ATP10D: variants seen among roughly 807,000 people sequenced by gnomAD.
ATP10D encodes the protein phospholipid-transporting ATPase VD.
In ATP10D, 89 loss-of-function variants were observed where a neutral mutation model predicts 144.8. The observed-to-expected ratio is 0.61, with a 90% confidence interval of 0.52 to 0.73. ATP10D has a LOEUF of 0.73. Among genes scored for constraint, ATP10D ranks in the 30% least tolerant of loss-of-function variants. ATP10D has a pLI of 0.00. For synonymous variants in ATP10D, 571 were observed against 615.1 expected, an observed-to-expected ratio of 0.93 and a Z score of 1.06; for missense variants, 1,603 against 1,714.8, an observed-to-expected ratio of 0.93 and a Z score of 1.15.
At chr4:47,490,961 T>G (rs1715039836) in intron 1 of ATP10D, 1 of 568,498 alleles carries the variant, frequency 1.8e-6, no homozygotes, top group African/African-American at 1.9e-5. Context: ...GTCTTTTATT[T>G]TATTTATTTT....
At chr4:47,533,801 T>G (rs889186078) in intron 5 of ATP10D, among the ~76,000 whole-genome samples, 1 of 152,142 alleles carries the variant, frequency 6.6e-6, no homozygotes, top group Non-Finnish European at 1.5e-5. Context: ...GCCTGAGCTA[T>G]TTCAGTTTTT....
At chr4:47,523,340 A>G in intron 4 of ATP10D, 124 bp downstream of exon 4, 1 of 807,354 alleles carries the variant, frequency 1.2e-6, no homozygotes, top group Admixed American at 2.5e-5. Flanking sequence ...ATAGAATCCC[A>G]GAAGGTTTCA....
intron 1 of ATP10D, among the ~76,000 whole-genome samples, chr4:47,506,672 T>G (rs1020810268): frequency 6.6e-6 from 1 of 152,208 alleles, no homozygotes; most frequent in African/African-American, 2.4e-5. Context: ...TAGTAGAGTA[T>G]CTAGATCTAA....
chr4:47,529,893 G>A (rs1350497438), intron 5 of ATP10D, among the ~76,000 whole-genome samples: 2 of 151,640 alleles, frequency 1.3e-5, no homozygotes, highest in Non-Finnish European at 2.9e-5. Flanking sequence ...ATTTTATTTT[G>A]TGTGTGTGTG....
chr4:47,562,921 A>G (rs758984120), intron 14 of ATP10D, among the ~76,000 whole-genome samples: 1 of 152,180 alleles, frequency 6.6e-6, no homozygotes, highest in Non-Finnish European at 1.5e-5. Flanking sequence ...TTTTGCAGCA[A>G]CATGGATGAA....
chr4:47,552,218 G>A (rs1457852511), intron 10 of ATP10D, among the ~76,000 whole-genome samples: 1 of 152,112 alleles, frequency 6.6e-6, no homozygotes, highest in East Asian at 1.9e-4. Context: ...CTGTTCTCGT[G>A]GCCACAGCAC....
rs1401463111 is a variant in ATP10D at position 47,485,447 on chromosome 4, T to C, written c.-110T>C. ...CACAACCCGCTTTCACTCTTCGAAT[T>C]TGTGCTTAGCTCTTTTCTTGTACCT... On this transcript the variant is annotated 5_prime_UTR_variant, in exon 1 of 23. Transcript: ENST00000273859. 4 of 152,036 alleles carry C rather than the reference T, an allele frequency of 2.6e-5. No individual in the cohort carries two copies. The South Asian group carries it at 6.2e-4, about 24-fold the overall frequency. 9.4% of individuals were successfully genotyped at this position (152,036 alleles called of 1,614,324 possible).
rs575263871 is a variant in ATP10D, at chr4:47,521,780, A to C, written c.486-1232A>C. Among the ~76,000 whole-genome samples the C allele has an allele frequency of 5.3e-5, 8 of 152,320 alleles. No individual in the cohort carries two copies. The South Asian group carries it at 1.2e-3, about 24-fold the overall frequency. ...AACTGATATGCACAGACACTAGGGA[A>C]AAGTTTGGAAAAGACAAAATAAACT... On this transcript the variant is annotated intron_variant, in intron 3 of 22. Transcript: ENST00000273859.
intron 1 of ATP10D, among the ~76,000 whole-genome samples, chr4:47,505,949 T>A (rs1286431300): frequency 6.6e-6 from 1 of 152,178 alleles, no homozygotes; most frequent in African/African-American, 2.4e-5. Flanking sequence ...GAATTCATTA[T>A]CCTGTATTTA....
intron 16 of ATP10D, among the ~76,000 whole-genome samples, chr4:47,569,460 G>A (rs1015067898): frequency 2.6e-5 from 4 of 152,094 alleles, no homozygotes; most frequent in Non-Finnish European, 4.4e-5. Context: ...AAAAATCCAT[G>A]TGTTCTACCT....
intron 1 of ATP10D, among the ~76,000 whole-genome samples, chr4:47,507,655 A>G (rs771250620): frequency 4.6e-5 from 7 of 152,236 alleles, no homozygotes; most frequent in Non-Finnish European, 8.8e-5. Flanking sequence ...AGACATTTAT[A>G]TATCATCTAA....
At chr4:47,551,181 C>A (rs150775573) in intron 10 of ATP10D, among the ~76,000 whole-genome samples, 3 of 152,182 alleles carry the variant, frequency 2.0e-5, no homozygotes, top group Non-Finnish European at 4.4e-5. Flanking sequence ...TGGAAGCAGT[C>A]ACCTTCCCAG....
At chr4:47,486,565 A>G (rs1312765144) in intron 1 of ATP10D, among the ~76,000 whole-genome samples, 1 of 152,216 alleles carries the variant, frequency 6.6e-6, no homozygotes, top group African/African-American at 2.4e-5. Flanking sequence ...ACTTGTGAAG[A>G]GCAAAAATCA....
intron 10 of ATP10D, among the ~76,000 whole-genome samples, chr4:47,552,637 A>G (rs1050618689): frequency 2.6e-5 from 4 of 152,214 alleles, no homozygotes; most frequent in Admixed American, 2.0e-4. Flanking sequence ...AGACACAAAC[A>G]TTTAGACCGT....
chr4:47,518,969 T>C (rs1716813961), intron 3 of ATP10D, among the ~76,000 whole-genome samples: 1 of 152,158 alleles, frequency 6.6e-6, no homozygotes, highest in Non-Finnish European at 1.5e-5. Flanking sequence ...AGTGGGGCTG[T>C]CCTGTTTTCA....
intron 22 of ATP10D, 41 bp downstream of exon 22, chr4:47,587,247 A>G (rs766533604): frequency 1.2e-5 from 19 of 1,555,160 alleles, no homozygotes; most frequent in Admixed American, 1.8e-5. Context: ...AAATGGAATC[A>G]TAGGCTAAGA....
chr4:47,517,657 A>T lies in ATP10D; in HGVS notation c.485+1987A>T, dbSNP rs1053937152. On this transcript the variant is annotated intron_variant, in intron 3 of 22. Transcript: ENST00000273859. ...GGTAAAAGCCGTTATGATTATTATT[A>T]TAGGTTAATAATGACTATTTGCTAG... 1.1e-4 allele frequency among the ~76,000 whole-genome samples: 17 copies of T among 152,334 alleles called. No homozygotes were observed. In the East Asian group the frequency reaches 2.7e-3, roughly 24 times the overall value.
chr4:47,545,818 G>C (rs1280837040), intron 9 of ATP10D, among the ~76,000 whole-genome samples: 1 of 151,790 alleles, frequency 6.6e-6, no homozygotes. Context: ...GATGGTGGTA[G>C]GTCTTGGCAT....
At chr4:47,540,467 C>T (rs1434830994) in intron 9 of ATP10D, among the ~76,000 whole-genome samples, 3 of 151,996 alleles carry the variant, frequency 2.0e-5, no homozygotes, top group Non-Finnish European at 2.9e-5. Flanking sequence ...TAATAATATC[C>T]CCAGGTGATT....
Sources: gnomAD v4.1 joint callset for allele counts (sites outside exome capture counted in the v4.1 genomes callset) on GRCh38, gnomAD v4.1.1 for gene constraint, MANE v1.5 for transcripts, NCBI Gene and HGNC (gene_info 2026-07-23, HGNC 2026-07-21) for gene names.